ROBO2: variants seen among roughly 807,000 people sequenced by gnomAD.
The protein encoded by ROBO2 is roundabout homolog 2.
In ROBO2, 53 loss-of-function variants were observed where a neutral mutation model predicts 160.8. The observed-to-expected ratio is 0.33, with a 90% CI of 0.26 to 0.41. The LOEUF is 0.41. Among genes scored for constraint, ROBO2 ranks in the 10% least tolerant of loss-of-function variants. The probability of loss-of-function intolerance (pLI) is 1.00; values close to 1 mark genes in which losing one functional copy is unlikely to be tolerated. For synonymous variants in ROBO2, 664 were observed against 611.7 expected, an observed-to-expected ratio of 1.09 and a Z score of -1.26; for missense variants, 1,577 against 1,722.4, an observed-to-expected ratio of 0.92 and a Z score of 1.49.
intron 2 of ROBO2, among the ~76,000 whole-genome samples, chr3:77,302,109 A>AT (rs535965352): frequency 0.042 from 6,053 of 145,052 alleles, 382 homozygotes; most frequent in African/African-American, 0.14. Flanking sequence ...AAGTAAAGAC[A>AT]TTTTTTTTTT....
chr3:76,265,560 G>A (rs1707046472), intron 2 of ROBO2, among the ~76,000 whole-genome samples: 1 of 152,058 alleles, frequency 6.6e-6, no homozygotes, highest in Non-Finnish European at 1.5e-5. Flanking sequence ...CACCTTCAGA[G>A]GTGAAAACTG....
chr3:77,316,723 TTTAAA>T (rs2064032369), intron 2 of ROBO2: 2 of 893,642 alleles, frequency 2.2e-6, no homozygotes, highest in Non-Finnish European at 3.8e-6. Context: ...TGCAAAATAG[TTTAAA>T]TTAAACAATT....
At chr3:77,630,802 G>A (rs2095145127) in intron 23 of ROBO2, 1 of 151,932 alleles carries the variant, frequency 6.6e-6, no homozygotes, top group South Asian at 2.1e-4. Context: ...TATTTGGAAA[G>A]TAAGAGCAGG....
chr3:77,204,574 A>G (rs2151042866), intron 2 of ROBO2, among the ~76,000 whole-genome samples: 1 of 152,296 alleles, frequency 6.6e-6, no homozygotes, highest in African/African-American at 2.4e-5. Context: ...GAAACTTTTT[A>G]GACTTCTAGG....
chr3:77,481,001 A>T, intron 3 of ROBO2, 98 bp from the exon 4 acceptor site: 2 of 1,123,980 alleles, frequency 1.8e-6, no homozygotes, highest in Middle Eastern at 2.9e-4. Context: ...TTGGGAAACA[A>T]ATATGCTCAA....
At position 76,865,644 on chromosome 3, in the gene ROBO2, T is replaced by A. The variant is rs116578346; in HGVS notation, c.110-232370T>A. On this transcript the variant is annotated intron_variant, in intron 2 of 26. Transcript: ENST00000487694. ...CACTGACCTCACCATTTATTCCAGATTACCAAATAAATGTCATTGATATAA... is the reference window on the plus strand; with the variant it reads ...CACTGACCTCACCATTTATTCCAGAATACCAAATAAATGTCATTGATATAA... Among the ~76,000 whole-genome samples the A allele has an allele frequency of 3.7e-3, 561 of 152,258 alleles. 2 individuals carry two copies. The highest frequency in any genetic ancestry group is 0.013 in the African/African-American group (527 of 41,576).
intron 2 of ROBO2, among the ~76,000 whole-genome samples, chr3:76,552,008 T>C (rs1176339274): frequency 2.0e-5 from 3 of 151,978 alleles, no homozygotes; most frequent in Non-Finnish European, 4.4e-5. Context: ...GTGCGAGCAA[T>C]ACTCAAGCAG....
At chr3:77,056,049 T>C (rs917127952) in intron 1 of ROBO2, among the ~76,000 whole-genome samples, 1 of 152,104 alleles carries the variant, frequency 6.6e-6, no homozygotes, top group Non-Finnish European at 1.5e-5. Flanking sequence ...AAGAGAAAAA[T>C]TTCCTTCCGT....
intron 2 of ROBO2, among the ~76,000 whole-genome samples, chr3:77,010,624 G>A (rs2061828321): frequency 3.3e-5 from 5 of 152,068 alleles, no homozygotes; most frequent in Admixed American, 3.3e-4. Flanking sequence ...TACCCGTGGT[G>A]TTCCTTCTTC....
chr3:77,396,827 C>T (rs1305003924), intron 2 of ROBO2, among the ~76,000 whole-genome samples: 2 of 152,018 alleles, frequency 1.3e-5, no homozygotes, highest in Non-Finnish European at 2.9e-5. Context: ...AAGGAAGGCA[C>T]TTATGTGGGC....
At chr3:76,206,470 C>T (rs985636089) in intron 2 of ROBO2, among the ~76,000 whole-genome samples, 1 of 152,046 alleles carries the variant, frequency 6.6e-6, no homozygotes, top group Non-Finnish European at 1.5e-5. Flanking sequence ...AATAAATTTC[C>T]CTTATCAAGT....
At chr3:76,796,016 C>T (rs1430329837) in intron 2 of ROBO2, among the ~76,000 whole-genome samples, 1 of 152,096 alleles carries the variant, frequency 6.6e-6, no homozygotes, top group African/African-American at 2.4e-5. Context: ...CAATGAGCAA[C>T]AAAGTTTTGA....
intron 2 of ROBO2, among the ~76,000 whole-genome samples, chr3:77,405,144 G>GTA (rs2076157372): frequency 6.6e-6 from 1 of 152,160 alleles, no homozygotes; most frequent in African/African-American, 2.4e-5. Flanking sequence ...TTCATGTATA[G>GTA]TATTGCTAGC....
At chr3:76,168,834 A>C (rs1022012072) in intron 2 of ROBO2, among the ~76,000 whole-genome samples, 1 of 151,870 alleles carries the variant, frequency 6.6e-6, no homozygotes, top group Non-Finnish European at 1.5e-5. Context: ...GAAGAATAAT[A>C]ACCTGCCTTA....
At chr3:77,251,363 A>G (rs1418532255) in intron 2 of ROBO2, among the ~76,000 whole-genome samples, 1 of 152,092 alleles carries the variant, frequency 6.6e-6, no homozygotes, top group Admixed American at 6.5e-5. Flanking sequence ...TGGTGGCCAA[A>G]GGGTGCTGTT....
intron 2 of ROBO2, among the ~76,000 whole-genome samples, chr3:76,376,547 A>T (rs576920458): frequency 1.3e-5 from 2 of 152,240 alleles, no homozygotes; most frequent in East Asian, 3.9e-4. Flanking sequence ...ATCAGTGGTG[A>T]TCCATTATCT....
At chr3:76,641,515 T>C (rs998797147) in intron 2 of ROBO2, among the ~76,000 whole-genome samples, 1 of 152,082 alleles carries the variant, frequency 6.6e-6, no homozygotes, top group Non-Finnish European at 1.5e-5. Flanking sequence ...AAGGAAGGAC[T>C]GAGGAATTGT....
chr3:76,185,502 A>G lies in ROBO2; in HGVS notation c.109+247900A>G, dbSNP rs145270650. ...AAAGAAAATTAGCACTAAAGCATCA[A>G]AAATGGTCAGCATGGGAAGAGAGGA... On this transcript the variant is annotated intron_variant, in intron 2 of 26. Coordinates refer to the ROBO2 transcript ENST00000487694. Among the ~76,000 whole-genome samples, 660 of 152,120 alleles carry G rather than the reference A, an allele frequency of 4.3e-3. 11 individuals are homozygous for G. Among genetic ancestry groups the G allele is most frequent in the East Asian group, 0.034 (174 of 5,142 alleles).
At position 76,106,093 on chromosome 3, in the gene ROBO2, A is replaced by G. The variant is rs745725330; in HGVS notation, c.109+168491A>G. 2.6e-5 allele frequency among the ~76,000 whole-genome samples: 4 copies of G among 152,258 alleles called. No homozygotes were observed. In the South Asian group the frequency reaches 8.3e-4, roughly 32 times the overall value. Reference sequence around the variant, plus strand: ...TGATCTCTCGAGATAATGTTATGTTATGGATTAGTGAACTAAGTGGGCCCT... The same window carrying G: ...TGATCTCTCGAGATAATGTTATGTTGTGGATTAGTGAACTAAGTGGGCCCT... On this transcript the variant is annotated intron_variant, in intron 2 of 26. Coordinates refer to the ROBO2 transcript ENST00000487694.
Sources: allele counts gnomAD v4.1 joint callset (sites outside exome capture counted in the v4.1 genomes callset), GRCh38; gene constraint gnomAD v4.1.1; transcripts MANE v1.5; gene names NCBI Gene and HGNC (gene_info 2026-07-23, HGNC 2026-07-21).